Variants in GSDME observed in about 807,000 individuals in gnomAD.
GSDME encodes gasdermin E.
In GSDME, 44 loss-of-function variants were observed where a neutral mutation model predicts 47.5. The observed-to-expected ratio is 0.93, with a 90% CI of 0.73 to 1.19. GSDME has a LOEUF of 1.19. GSDME is among the 50% of genes most tolerant of loss of function. GSDME has a pLI of 0.00. For missense variants in GSDME, 663 were observed against 604.2 expected, an observed-to-expected ratio of 1.10 and a Z score of -1.02; for synonymous variants, 258 against 252.8, an observed-to-expected ratio of 1.02 and a Z score of -0.20.
chr7:24,757,312 G>A lies in GSDME; in HGVS notation c.-20+84C>T, dbSNP rs1332626379. The A allele has an allele frequency of 1.3e-5, 2 of 152,556 alleles. No homozygotes were observed. The highest frequency in any genetic ancestry group is 4.8e-5 in the African/African-American group (2 of 41,438). 9.5% of individuals were successfully genotyped at this position (152,556 alleles called of 1,614,324 possible). A position where few individuals can be genotyped will look rare whatever the true frequency, so the allele number is the denominator to read the frequency against. On this transcript the variant is annotated intron_variant, in intron 1 of 9. Transcript: ENST00000645220. This position sits in a 1 kb window ranked among gnomAD's most constrained non-coding sequence, Gnocchi z 5.9. ...GCGCCGCGCGGCCTCGGCTGCCCCC[G>A]GCCCGGGACACCCAAACAGACCAAA...
At chr7:24,709,789 G>A (rs939895766) in intron 6 of GSDME, among the ~76,000 whole-genome samples, 1 of 152,164 alleles carries the variant, frequency 6.6e-6, no homozygotes, top group African/African-American at 2.4e-5. Context: ...GCCTCCAAGA[G>A]AGCATTTTGC....
chr7:24,782,467 T>C, the GSDME span, among the ~76,000 whole-genome samples: 15 of 152,284 alleles, frequency 9.9e-5, no homozygotes, highest in South Asian at 2.7e-3. Flanking sequence ...AGTCTATCAT[T>C]GATGGACATT....
chr7:24,703,346 A>G (rs1179298072), intron 8 of GSDME: 2 of 217,598 alleles, frequency 9.2e-6, no homozygotes, highest in Non-Finnish European at 1.9e-5. Context: ...TAGCTTTATC[A>G]GTGCAGCGTG....
At chr7:24,702,657 T>C in intron 9 of GSDME, 103 bp downstream of exon 9, 1 of 891,706 alleles carries the variant, frequency 1.1e-6, no homozygotes, top group South Asian at 1.3e-5. Context: ...TGAAGAGCTG[T>C]TGTGGTAAGT....
At chr7:24,773,774 C>A in the GSDME span, among the ~76,000 whole-genome samples, 1 of 152,200 alleles carries the variant, frequency 6.6e-6, no homozygotes, top group Non-Finnish European at 1.5e-5. The surrounding 1 kb of genome is among the most constrained non-coding windows in gnomAD (Gnocchi z 5.4). Context: ...CTGGTGCTTT[C>A]CTTCTGCCTT....
At chr7:24,760,250 C>T (rs1791147007), upstream of GSDME, among the ~76,000 whole-genome samples, 1 of 152,172 alleles carries the variant, frequency 6.6e-6, no homozygotes, top group Non-Finnish European at 1.5e-5. The surrounding 1 kb of genome is among the most constrained non-coding windows in gnomAD (Gnocchi z 4.2). Context: ...CAGCAAAAGT[C>T]AATAAAACTC....
intron 3 of GSDME, among the ~76,000 whole-genome samples, chr7:24,722,769 G>A (rs1249223118): frequency 6.6e-6 from 1 of 152,198 alleles, no homozygotes; most frequent in African/African-American, 2.4e-5. Flanking sequence ...CCTCCCTCCA[G>A]AACCCCCACC....
rs1460416858 is a variant in GSDME at position 24,739,474 on chromosome 7, TA to T, written c.404+5087del. ...TGGCTTTTATCCAAAAGACAGGCAA[TA>T]AAAACTGCTGATAAGAATGTGGAAA... is the stretch of plus-strand genomic sequence containing the variant. On this transcript the variant is annotated intron_variant, in intron 3 of 9. Coordinates refer to ENST00000645220, the MANE Select transcript of GSDME (RefSeq NM_001127453.2). This position sits in a 1 kb window ranked among gnomAD's most constrained non-coding sequence, Gnocchi z 5.1. Among the ~76,000 whole-genome samples the T allele has an allele frequency of 3.3e-5, 5 of 151,880 alleles. No individual in the cohort carries two copies. The highest frequency in any genetic ancestry group is 1.2e-4 in the African/African-American group (5 of 41,318).
intron 3 of GSDME, among the ~76,000 whole-genome samples, chr7:24,730,812 C>T (rs541423665): frequency 1.8e-4 from 27 of 151,852 alleles, no homozygotes; most frequent in African/African-American, 5.1e-4. Flanking sequence ...AGTGAGACTC[C>T]GTCTCAAAAA....
At position 24,728,288 on chromosome 7, in the gene GSDME, T is replaced by C. The variant is rs986057750; in HGVS notation, c.405-9070A>G. Reference sequence around the variant, plus strand: ...AGAGAACTTGAGCTGCCAGGACAGATGGCGGCTGCCACAGGGGCCCACAGA... The same window carrying C: ...AGAGAACTTGAGCTGCCAGGACAGACGGCGGCTGCCACAGGGGCCCACAGA... On this transcript the variant is annotated intron_variant, in intron 3 of 9. Transcript: ENST00000645220. The surrounding 1 kb of genome is among the most constrained non-coding windows in gnomAD (Gnocchi z 7.2). Among the ~76,000 whole-genome samples the C allele has an allele frequency of 2.0e-5, 3 of 152,202 alleles. No individual in the cohort carries two copies. Among genetic ancestry groups the C allele is most frequent in the Non-Finnish European group, 2.9e-5 (2 of 68,030 alleles).
At position 24,714,596 on chromosome 7, in the gene GSDME, T is replaced by C. The variant is rs1789476315; in HGVS notation, c.697+2658A>G. On this transcript the variant is annotated intron_variant, in intron 5 of 9. Coordinates refer to ENST00000645220, the MANE Select transcript of GSDME (RefSeq NM_001127453.2). The surrounding 1 kb of genome is among the most constrained non-coding windows in gnomAD (Gnocchi z 5.0). ...GCCGAGATATCCCCAGGGTACCTCT[T>C]CTCAGCAGCACAAAGAGGAGTTTAT... is the stretch of plus-strand genomic sequence containing the variant. Among the ~76,000 whole-genome samples, 1 of 152,120 alleles carries C rather than the reference T, an allele frequency of 6.6e-6. No individual in the cohort carries two copies.
chr7:24,701,846 T>C (rs996150028), intron 9 of GSDME, among the ~76,000 whole-genome samples: 1 of 152,220 alleles, frequency 6.6e-6, no homozygotes, highest in African/African-American at 2.4e-5. Flanking sequence ...AATGATGCCA[T>C]GCTGCATAGT....
intron 2 of GSDME, among the ~76,000 whole-genome samples, chr7:24,746,870 T>G (rs1281359093): frequency 6.6e-6 from 1 of 152,172 alleles, no homozygotes; most frequent in African/African-American, 2.4e-5. Context: ...GCAACACATA[T>G]GCCAGTGAGG....
the GSDME span, among the ~76,000 whole-genome samples, chr7:24,769,760 C>G: frequency 6.6e-6 from 1 of 152,088 alleles, no homozygotes; most frequent in Admixed American, 6.5e-5. Context: ...CTAAACAAAA[C>G]AAAAACACAC....
At chr7:24,722,135 T>G (rs1401478401) in intron 3 of GSDME, among the ~76,000 whole-genome samples, 2 of 152,238 alleles carry the variant, frequency 1.3e-5, no homozygotes, top group African/African-American at 4.8e-5. Flanking sequence ...ACTGCATATC[T>G]CAGGGCCAGG....
intron 3 of GSDME, among the ~76,000 whole-genome samples, chr7:24,740,107 G>A (rs544724108): frequency 8.0e-5 from 12 of 150,296 alleles, no homozygotes; most frequent in African/African-American, 2.7e-4. Flanking sequence ...AAAAAAAAAG[G>A]ATAAGATCCT....
the GSDME span, among the ~76,000 whole-genome samples, chr7:24,781,317 G>A: frequency 1.3e-5 from 2 of 152,208 alleles, no homozygotes; most frequent in African/African-American, 4.8e-5. Flanking sequence ...ACAAAGGCAT[G>A]GAGATCTGGG....
At chr7:24,700,262 G>A (rs752503290) in intron 9 of GSDME, among the ~76,000 whole-genome samples, 3 of 152,124 alleles carry the variant, frequency 2.0e-5, no homozygotes, top group Non-Finnish European at 4.4e-5. Flanking sequence ...GTTCTTCACC[G>A]AGGTCACTTT....
intron 7 of GSDME, chr7:24,707,809 T>A: frequency 1.9e-6 from 1 of 531,710 alleles, no homozygotes; most frequent in South Asian, 2.9e-5. Context: ...CAGAATTCTC[T>A]CCTAGATCCT....
Sources: gnomAD v4.1 joint callset for allele counts (sites outside exome capture counted in the v4.1 genomes callset) on GRCh38, gnomAD v4.1.1 for gene constraint, Gnocchi (gnomAD v3.1) non-coding constraint, MANE v1.5 for transcripts, NCBI Gene and HGNC (gene_info 2026-07-23, HGNC 2026-07-21) for gene names.